TRIM67: variants seen among roughly 807,000 people sequenced by gnomAD.
The protein encoded by TRIM67 is tripartite motif containing 67.
Under a neutral mutation model 71.0 loss-of-function variants are expected in TRIM67, and 39 were observed. That is an observed-to-expected ratio of 0.55 (90% CI 0.43 to 0.72). The LOEUF is 0.72. TRIM67 is among the 30% of genes least tolerant of loss of function. TRIM67 has a pLI of 0.00. For synonymous variants in TRIM67, 481 were observed against 473.9 expected (o/e 1.01, Z -0.19); for missense variants, 973 against 1,079.2 (o/e 0.90, Z 1.38).
At position 231,163,716 on chromosome 1, in the gene TRIM67, C is replaced by G. The variant is rs1441284931; in HGVS notation, c.747C>G (p.Arg249=). 1.3e-6 allele frequency: 2 copies of G among 1,502,170 alleles called. No individual in the cohort carries two copies. Among genetic ancestry groups the G allele is most frequent in the African/African-American group, 2.9e-5 (2 of 68,630 alleles). The allele number at this position is 1,502,170 out of a possible 1,614,324, so 93.1% of individuals were successfully genotyped here. A position where few individuals can be genotyped will look rare whatever the true frequency, so the allele number is the denominator to read the frequency against. Residue 249 remains arginine, a synonymous_variant, in exon 1 of 10, where the codon CGC becomes CGG. Coordinates refer to ENST00000366653, the MANE Select transcript of TRIM67 (RefSeq NM_001004342.5). The stretch of plus-strand genomic sequence containing the variant: ...CCCGGGGACCCTTCGCCAAGCATCG[C>G]CTGGTGCAGCCGCCGCCGCCGCCGC... ...HPSRGPFAKH[R]LVQPPPPPPP... is the part of the protein sequence containing the mutation.
intron 1 of TRIM67, among the ~76,000 whole-genome samples, chr1:231,165,563 G>C (rs1410778330): frequency 5.3e-5 from 8 of 152,186 alleles, no homozygotes; most frequent in Non-Finnish European, 1.2e-4. Context: ...GACTTGGTTA[G>C]CTAGAGAAAA....
At chr1:231,196,101 T>G (rs535099643) in intron 1 of TRIM67, among the ~76,000 whole-genome samples, 2 of 151,828 alleles carry the variant, frequency 1.3e-5, no homozygotes, top group Admixed American at 6.6e-5. Context: ...GTTTTCTAGG[T>G]TGGGTGGTGA....
intron 1 of TRIM67, among the ~76,000 whole-genome samples, chr1:231,185,725 G>A (rs1208263443): frequency 1.3e-5 from 2 of 151,888 alleles, no homozygotes; most frequent in African/African-American, 4.9e-5. Flanking sequence ...GCTCACTCTG[G>A]AAGTCCTGAT....
chr1:231,192,764 T>A (rs1683267712), intron 1 of TRIM67, among the ~76,000 whole-genome samples: 1 of 152,228 alleles, frequency 6.6e-6, no homozygotes, highest in Non-Finnish European at 1.5e-5. Context: ...CAGGCCCCAA[T>A]GTGGCGTGCA....
Position 231,199,123 on chromosome 1 carries a change from C to T in TRIM67, c.1217C>T (p.Ala406Val). 6.2e-7 allele frequency: 1 copy of T among 1,613,968 alleles called. No individual in the cohort carries two copies. The highest frequency in any genetic ancestry group is 8.5e-7 in the Non-Finnish European group (1 of 1,179,890). Residue 406 changes from alanine to valine, a missense_variant, in exon 3 of 10, where the codon GCC becomes GTC. Coordinates refer to ENST00000366653, the MANE Select transcript of TRIM67 (RefSeq NM_001004342.5). Reference protein sequence around the residue: ...ALVDALTRQKAKLLTKVTKER... With the variant: ...ALVDALTRQKVKLLTKVTKER... ...GTGGATGCTTTAACTCGTCAGAAAGCCAAGCTGCTCACCAAGGTGACTAAA... is the reference window on the plus strand; with the variant it reads ...GTGGATGCTTTAACTCGTCAGAAAGTCAAGCTGCTCACCAAGGTGACTAAA...
chr1:231,216,415 C>T lies in TRIM67; in HGVS notation c.*975C>T. On this transcript the variant is annotated 3_prime_UTR_variant, in exon 10 of 10. Coordinates refer to ENST00000366653, the MANE Select transcript of TRIM67 (RefSeq NM_001004342.5). Reference sequence around the variant, plus strand: ...CATAGGTCTTCGCCTGGTGATGGCTCCTTTCTGAAACTGGCAGCCCAAGAA... The same window carrying T: ...CATAGGTCTTCGCCTGGTGATGGCTTCTTTCTGAAACTGGCAGCCCAAGAA... 1.0e-6 allele frequency: 1 copy of T among 985,474 alleles called. No individual in the cohort carries two copies. Among genetic ancestry groups the T allele is most frequent in the Non-Finnish European group, 1.2e-6 (1 of 829,940 alleles). 61.0% of individuals were successfully genotyped at this position (985,474 alleles called of 1,614,324 possible).
At position 231,218,904 on chromosome 1, in the gene TRIM67, A is replaced by T. The variant is rs761169897; in HGVS notation, c.*3464A>T. The T allele has an allele frequency of 4.1e-6, 4 of 985,474 alleles. No homozygotes were observed. Among genetic ancestry groups the T allele is most frequent in the Non-Finnish European group, 4.8e-6 (4 of 829,968 alleles). The allele number at this position is 985,474 out of a possible 1,614,324, so 61.0% of individuals were successfully genotyped here. On this transcript the variant is annotated 3_prime_UTR_variant, in exon 10 of 10. Coordinates refer to ENST00000366653, the MANE Select transcript of TRIM67 (RefSeq NM_001004342.5). ...GTGCCCCTGCCCTCCGCCCCACCAC[A>T]GCACTCTCAGGAAAGGATCAGAATG...
At position 231,220,411 on chromosome 1, in the gene TRIM67, A is replaced by C. The variant is rs1684113778; in HGVS notation, c.*4971A>C. ...GCGAGGCCTCAAGGCCTCTGTGAGCAGAAGCCCCTTTAAACCAAGGAAGGA... is the reference window on the plus strand; with the variant it reads ...GCGAGGCCTCAAGGCCTCTGTGAGCCGAAGCCCCTTTAAACCAAGGAAGGA... On this transcript the variant is annotated 3_prime_UTR_variant, in exon 10 of 10. Coordinates refer to ENST00000366653, the MANE Select transcript of TRIM67 (RefSeq NM_001004342.5). 6.4e-6 allele frequency: 1 copy of C among 156,212 alleles called. No individual in the cohort carries two copies. Among genetic ancestry groups the C allele is most frequent in the African/African-American group, 2.4e-5 (1 of 41,516 alleles). The allele number at this position is 156,212 out of a possible 1,614,324, so 9.7% of individuals were successfully genotyped here. A position where few individuals can be genotyped will look rare whatever the true frequency, so the allele number is the denominator to read the frequency against.
At chr1:231,194,103 C>T (rs1048813504) in intron 1 of TRIM67, among the ~76,000 whole-genome samples, 9 of 152,172 alleles carry the variant, frequency 5.9e-5, no homozygotes, top group Admixed American at 2.6e-4. Context: ...CTGAGAAATC[C>T]GTGTTTGTGG....
intron 5 of TRIM67, among the ~76,000 whole-genome samples, chr1:231,202,236 GA>G (rs1044849872): frequency 4.0e-5 from 6 of 150,794 alleles, no homozygotes; most frequent in Non-Finnish European, 8.9e-5. Flanking sequence ...AGTAGGAGAG[GA>G]GGGGGGGTAG....
At chr1:231,182,271 C>T (rs898922176) in intron 1 of TRIM67, among the ~76,000 whole-genome samples, 1 of 152,132 alleles carries the variant, frequency 6.6e-6, no homozygotes, top group African/African-American at 2.4e-5. Flanking sequence ...TCTCATCTCC[C>T]AAGATGGCAC....
Position 231,217,843 on chromosome 1 carries a change from A to C in TRIM67, c.*2403A>C, listed in dbSNP as rs4658907. On this transcript the variant is annotated 3_prime_UTR_variant, in exon 10 of 10. Coordinates refer to ENST00000366653, the MANE Select transcript of TRIM67 (RefSeq NM_001004342.5). Reference sequence around the variant, plus strand: ...AGGTCAGGAGAGAAGTGGAAAGTGCAGGAGGGTAATGCCCTCAAATCCGGT... The same window carrying C: ...AGGTCAGGAGAGAAGTGGAAAGTGCCGGAGGGTAATGCCCTCAAATCCGGT... 7.8e-7 allele frequency: 1 copy of C among 1,289,474 alleles called. No homozygotes were observed. 79.9% of individuals were successfully genotyped at this position (1,289,474 alleles called of 1,614,324 possible). A position where few individuals can be genotyped will look rare whatever the true frequency, so the allele number is the denominator to read the frequency against.
chr1:231,163,111 C>A lies in TRIM67; in HGVS notation c.142C>A (p.Pro48Thr). The change falls in exon 1 of 10, where the codon CCG becomes ACG. Residue 48 changes from proline (P) to threonine (T), a missense_variant. Around this residue, in one of 2 missense-constraint regions of TRIM67, gnomAD observed 795 missense variants for 831.3 expected, o/e 0.96. Transcript: ENST00000366653. Reference sequence around the variant, plus strand: ...GGACGGTGAGCAGCACCTGCCCCAGCCGCTCCTGCTTTCCCGGGGATCGGG... The same window carrying A: ...GGACGGTGAGCAGCACCTGCCCCAGACGCTCCTGCTTTCCCGGGGATCGGG... ...TPDGEQHLPQ[P>T]LLLSRGSGLQ... is the part of the protein sequence containing the mutation. 1 of 1,564,090 alleles carries A rather than the reference C, an allele frequency of 6.4e-7. No homozygotes were observed. Among genetic ancestry groups the A allele is most frequent in the Non-Finnish European group, 8.6e-7 (1 of 1,156,288 alleles).
intron 1 of TRIM67, among the ~76,000 whole-genome samples, chr1:231,175,761 C>A (rs1025229037): frequency 5.3e-5 from 8 of 152,226 alleles, no homozygotes; most frequent in African/African-American, 7.2e-5. Context: ...TGTGGAGAAA[C>A]ACCAGAAACC....
In TRIM67 at chr1:231,215,582, CA is replaced by C. The variant is rs1683994653; in HGVS notation, c.*143del. The C allele has an allele frequency of 4.2e-6, 6 of 1,414,558 alleles. No homozygotes were observed. The South Asian group carries it at 9.4e-5, about 22-fold the overall frequency. 87.6% of individuals were successfully genotyped at this position (1,414,558 alleles called of 1,614,324 possible). ...CTGGCAGCGTGGAGTGTCATAGAAACACATTTTCTTGGGGACGCAGGGAATG... is the reference window on the plus strand; with the variant it reads ...CTGGCAGCGTGGAGTGTCATAGAAACCATTTTCTTGGGGACGCAGGGAATG... On this transcript the variant is annotated 3_prime_UTR_variant, in exon 10 of 10. Coordinates refer to ENST00000366653, the MANE Select transcript of TRIM67 (RefSeq NM_001004342.5).
intron 1 of TRIM67, among the ~76,000 whole-genome samples, chr1:231,165,512 A>G (rs1036900377): frequency 6.6e-6 from 1 of 152,216 alleles, no homozygotes; most frequent in Admixed American, 6.5e-5. Context: ...ATTTGCAGAA[A>G]GCTACAGGGA....
chr1:231,203,880 C>G lies in TRIM67; in HGVS notation c.1548C>G (p.Pro516=), dbSNP rs377645030. Residue 516 remains proline (P), a synonymous_variant, in exon 6 of 10, where the codon CCC becomes CCG. Coordinates refer to ENST00000366653, the MANE Select transcript of TRIM67 (RefSeq NM_001004342.5). ...IQMKCRVPPV[P]LLQLEKCCTR... ...TCCCCCTCGCAGTGCCACCCGTCCC[C>G]CTACTGCAGCTGGAGAAATGCTGCA... The G allele has an allele frequency of 9.3e-6, 15 of 1,613,584 alleles. No individual in the cohort carries two copies. The African/African-American group carries it at 1.9e-4, about 20-fold the overall frequency.
chr1:231,215,149 G>C (rs1028204128), intron 9 of TRIM67, among the ~76,000 whole-genome samples: 2 of 152,230 alleles, frequency 1.3e-5, no homozygotes, highest in Non-Finnish European at 2.9e-5. Flanking sequence ...TGAGGAACCA[G>C]TCAGCTGGGT....
At chr1:231,170,508 T>C (rs899818109) in intron 1 of TRIM67, among the ~76,000 whole-genome samples, 13 of 152,224 alleles carry the variant, frequency 8.5e-5, no homozygotes, top group African/African-American at 3.1e-4. Context: ...TAATGTTTGC[T>C]GTGGTGGTCA....
Sources: allele counts gnomAD v4.1 joint callset (sites outside exome capture counted in the v4.1 genomes callset), GRCh38; gene constraint gnomAD v4.1.1; regional missense constraint gnomAD v4.1.1; transcripts MANE v1.5; gene names NCBI Gene and HGNC (gene_info 2026-07-23, HGNC 2026-07-21).